The following CUL4B variants were observed in gnomAD, a reference collection of about 807,000 sequenced individuals.
CUL4B encodes cullin 4B.
Under a neutral mutation model 69.2 loss-of-function variants are expected in CUL4B, and 1 was observed. The observed-to-expected ratio is 0.01, with a 90% CI of 0.01 to 0.07. CUL4B has a LOEUF of 0.07. CUL4B is among the 10% of genes least tolerant of loss of function. The probability of loss-of-function intolerance (pLI) is 1.00; values close to 1 mark genes in which losing one functional copy is unlikely to be tolerated. For missense variants in CUL4B, 328 were observed against 638.8 expected (o/e 0.51, Z 5.24); for synonymous variants, 237 against 223.2 (o/e 1.06, Z -0.55).
intron 17 of CUL4B, among the ~76,000 whole-genome samples, chrX:120,533,098 C>T (rs1296615053): frequency 1.8e-5 from 2 of 112,349 alleles, no homozygotes; most frequent in African/African-American, 6.5e-5. Flanking sequence ...AGTGGTGATA[C>T]CACTAACCTT....
In CUL4B at chrX:120,551,685, C is replaced by A. The variant is rs1451452089; in HGVS notation, c.673-4446G>T. Among the ~76,000 whole-genome samples the A allele has an allele frequency of 6.2e-5, 7 of 112,293 alleles. No individual in the cohort carries two copies. In the East Asian group the frequency reaches 1.9e-3, roughly 31 times the overall value. The stretch of plus-strand genomic sequence containing the variant: ...TAACTAAAATAAAATCTTCACGAAC[C>A]TACACATCATTACTCTATGTGATGC... On this transcript the variant is annotated intron_variant, in intron 2 of 19. Coordinates refer to ENST00000371322, the MANE Select transcript of CUL4B (RefSeq NM_001079872.2).
At chrX:120,535,060 T>C (rs1923573669) in intron 16 of CUL4B, among the ~76,000 whole-genome samples, 2 of 111,875 alleles carry the variant, frequency 1.8e-5, no homozygotes, top group African/African-American at 6.5e-5. Flanking sequence ...CTAAGTGTAG[T>C]TGCTCATGCC....
Position 120,556,658 on chromosome X carries a change from A to G in CUL4B, c.672+1266T>C, listed in dbSNP as rs182252335. Among the ~76,000 whole-genome samples the G allele has an allele frequency of 9.2e-4, 101 of 109,366 alleles. 1 individual carries two copies. Among genetic ancestry groups the G allele is most frequent in the South Asian group, 3.6e-3 (9 of 2,509 alleles). The allele number at this position is 109,366 out of a possible 115,157, so 95.0% of individuals were successfully genotyped here. A position where few individuals can be genotyped will look rare whatever the true frequency, so the allele number is the denominator to read the frequency against. ...AGTTCAAGACCAGCCTGGGCAACAT[A>G]GCAAGACCCCTATCTCTTAAAAAAA... On this transcript the variant is annotated intron_variant, in intron 2 of 19. Coordinates refer to ENST00000371322, the MANE Select transcript of CUL4B (RefSeq NM_001079872.2).
intron 5 of CUL4B, among the ~76,000 whole-genome samples, chrX:120,545,093 T>C (rs776408805): frequency 8.9e-6 from 1 of 112,223 alleles, no homozygotes; most frequent in African/African-American, 3.2e-5. Context: ...GAGTTCATGA[T>C]ACTATTCTAT....
intron 5 of CUL4B, among the ~76,000 whole-genome samples, 159 bp downstream of exon 5, chrX:120,545,285 C>A (rs1323584393): frequency 1.8e-5 from 2 of 111,604 alleles, no homozygotes; most frequent in African/African-American, 6.5e-5. Context: ...TTAGCATAGG[C>A]AACATATTAT....
upstream of CUL4B, among the ~76,000 whole-genome samples, chrX:120,564,699 T>G (rs1925441676): frequency 8.9e-6 from 1 of 112,685 alleles, no homozygotes; most frequent in East Asian, 2.8e-4. Context: ...TAAGCGTATA[T>G]TCTGTACACC....
chrX:120,573,243 C>T (rs988084977), intron 2 of CUL4B, among the ~76,000 whole-genome samples: 6 of 110,743 alleles, frequency 5.4e-5, no homozygotes, highest in Non-Finnish European at 9.5e-5. Context: ...TTGCTTTTTT[C>T]GCTTAATATA....
intron 17 of CUL4B, among the ~76,000 whole-genome samples, chrX:120,533,197 A>G (rs1054511064): frequency 8.9e-6 from 1 of 111,924 alleles, no homozygotes; most frequent in African/African-American, 3.3e-5. Context: ...CGCAGAGATG[A>G]GTTTTCTCCA....
upstream of CUL4B, among the ~76,000 whole-genome samples, chrX:120,566,369 A>ATATATGTATATATATG (rs1556253205): frequency 1.8e-5 from 1 of 56,465 alleles, no homozygotes; most frequent in East Asian, 4.6e-4. Context: ...ATATATATAT[A>ATATATGTATATATATG]TATATATATA....
intron 1 of CUL4B, chrX:120,559,765 T>C (rs1925174711): frequency 9.5e-7 from 1 of 1,051,928 alleles, no homozygotes. Context: ...CTCTTTAGAA[T>C]ACAAATTTCT....
chrX:120,545,411 A>G, intron 5 of CUL4B, 33 bp downstream of exon 5: 1 of 972,620 alleles, frequency 1.0e-6, no homozygotes, highest in Non-Finnish European at 1.4e-6. Flanking sequence ...TATGATTTGG[A>G]ACAATCTTTT....
At chrX:120,550,548 G>A (rs1924626950) in intron 2 of CUL4B, among the ~76,000 whole-genome samples, 2 of 111,533 alleles carry the variant, frequency 1.8e-5, no homozygotes, top group Admixed American at 1.9e-4. Context: ...AGACCCACAG[G>A]GAAACAGATA....
chrX:120,547,543 A>G (rs1472231887), intron 2 of CUL4B, among the ~76,000 whole-genome samples: 1 of 111,990 alleles, frequency 8.9e-6, no homozygotes, highest in Non-Finnish European at 1.9e-5. Flanking sequence ...AGAAAATCCT[A>G]CTTGGGCTGG....
chrX:120,538,519 C>T (rs763150542), intron 13 of CUL4B, 141 bp downstream of exon 13: 10 of 486,182 alleles, frequency 2.1e-5, no homozygotes, highest in Non-Finnish European at 3.5e-5. Flanking sequence ...AAGTTGGAAA[C>T]CTCAGGAGCT....
chrX:120,569,561 C>G (rs1186052226), downstream of CUL4B, among the ~76,000 whole-genome samples: 1 of 110,984 alleles, frequency 9.0e-6, no homozygotes, highest in Non-Finnish European at 1.9e-5. Flanking sequence ...GGGGTTTCAC[C>G]GTGTTAGCCA....
rs1922869183 is a variant in CUL4B, at chrX:120,524,583, C to T, written c.*2178G>A. 1 of 112,050 alleles carries T rather than the reference C, an allele frequency of 8.9e-6. No homozygotes were observed. The highest frequency in any genetic ancestry group is 9.5e-5 in the Admixed American group (1 of 10,485). The allele number at this position is 112,050 out of a possible 1,213,427, so 9.2% of individuals were successfully genotyped here. ...GTGATTTTATAACTTTCTTACAATA[C>T]TTGAATTTTAAAGATCTTCTCTAGA... is the stretch of plus-strand genomic sequence containing the variant. On this transcript the variant is annotated 3_prime_UTR_variant, in exon 20 of 20. Coordinates refer to ENST00000371322, the MANE Select transcript of CUL4B (RefSeq NM_001079872.2).
upstream of CUL4B, among the ~76,000 whole-genome samples, chrX:120,563,813 A>G (rs1448682562): frequency 8.9e-6 from 1 of 112,302 alleles, no homozygotes; most frequent in African/African-American, 3.2e-5. Context: ...AAAAATTACA[A>G]ATATTAGTGC....
intron 11 of CUL4B, among the ~76,000 whole-genome samples, chrX:120,539,831 G>T (rs759848627): frequency 8.9e-6 from 1 of 111,888 alleles, no homozygotes; most frequent in East Asian, 2.8e-4. Flanking sequence ...ACATGTTTAC[G>T]GATACATAGT....
At chrX:120,551,155 T>G (rs1289435576) in intron 2 of CUL4B, among the ~76,000 whole-genome samples, 3 of 111,689 alleles carry the variant, frequency 2.7e-5, no homozygotes, top group Non-Finnish European at 5.6e-5. Context: ...CTTTTTAGCA[T>G]GGTGTTCAAG....
Sources: allele counts gnomAD v4.1 joint callset (sites outside exome capture counted in the v4.1 genomes callset), GRCh38; gene constraint gnomAD v4.1.1; transcripts MANE v1.5; gene names NCBI Gene and HGNC (gene_info 2026-07-23, HGNC 2026-07-21).